The following MYH7B variants were observed in gnomAD, a reference collection of about 807,000 sequenced individuals.
The protein encoded by MYH7B is myosin-7B.
A neutral mutation model predicts 234.5 loss-of-function variants in MYH7B; 205 were observed. The observed-to-expected ratio is 0.87, with a 90% CI of 0.78 to 0.98. The LOEUF (loss-of-function observed/expected upper bound fraction) is 0.98. Ranked by LOEUF, MYH7B falls within the 50% of genes least tolerant of loss-of-function variation. The pLI, the probability that MYH7B is intolerant of heterozygous loss-of-function variation, is 0.00. For synonymous variants in MYH7B, 1,193 were observed against 1,105.0 expected, an observed-to-expected ratio of 1.08 and a Z score of -1.58; for missense variants, 2,652 against 2,633.4, an observed-to-expected ratio of 1.01 and a Z score of -0.15.
intron 2 of MYH7B, among the ~76,000 whole-genome samples, chr20:34,971,689 G>T (rs1171149871): frequency 6.6e-6 from 1 of 152,176 alleles, no homozygotes; most frequent in South Asian, 2.1e-4. Flanking sequence ...CCTGCCACCG[G>T]CCTCACCCCT....
At chr20:34,999,732 C>T in intron 37 of MYH7B, 37 bp downstream of exon 37, 7 of 1,609,130 alleles carry the variant, frequency 4.4e-6, no homozygotes, top group Non-Finnish European at 5.9e-6. Flanking sequence ...GGACACTGAC[C>T]TGCTGCTCCA....
At chr20:34,999,499 AGG>A (rs2082327543) in intron 36 of MYH7B, 70 bp from the exon 37 acceptor site, 1 of 1,246,020 alleles carries the variant, frequency 8.0e-7, no homozygotes. Context: ...CCCTGGAATC[AGG>A]GGTGAGTGGA....
intron 14 of MYH7B, among the ~76,000 whole-genome samples, 195 bp downstream of exon 14, chr20:34,986,393 G>A (rs774310533): frequency 4.6e-5 from 7 of 152,202 alleles, no homozygotes; most frequent in South Asian, 2.1e-4. Flanking sequence ...ACCTGCCAAC[G>A]TGTTATCGCT....
At chr20:34,976,483 G>A (rs543741807) in intron 3 of MYH7B, among the ~76,000 whole-genome samples, 1 of 152,330 alleles carries the variant, frequency 6.6e-6, no homozygotes, top group Non-Finnish European at 1.5e-5. Flanking sequence ...CCTGAATGGG[G>A]TGATGGACAG....
At chr20:34,988,138 T>C in exon 19 of MYH7B, 1 of 1,614,102 alleles carries the variant, frequency 6.2e-7, no homozygotes, top group South Asian at 1.1e-5. Context: ...AATGAGAAAT[T>C]GCAGCAGTTC....
chr20:34,999,185 G>A (rs1459943584), exon 36 of MYH7B: 1 of 1,613,554 alleles, frequency 6.2e-7, no homozygotes, highest in Non-Finnish European at 8.5e-7. Flanking sequence ...TGGAGCTGGA[G>A]CGGGCGACCT....
intron 1 of MYH7B, among the ~76,000 whole-genome samples, chr20:34,956,771 C>T (rs1195839025): frequency 6.6e-6 from 1 of 152,126 alleles, no homozygotes; most frequent in Admixed American, 6.5e-5. Flanking sequence ...GCAGCAAAGG[C>T]TGGCTGGGTG....
At chr20:34,977,678 G>A (rs765836275) in exon 4 of MYH7B, 20 of 1,551,958 alleles carry the variant, frequency 1.3e-5, no homozygotes, top group South Asian at 5.9e-5. Context: ...CCGTGGTGCC[G>A]AGGTAGGTGA....
chr20:34,987,160 C>T, exon 16 of MYH7B: 1 of 1,613,446 alleles, frequency 6.2e-7, no homozygotes, highest in Non-Finnish European at 8.5e-7. Context: ...ATGCCATGGA[C>T]ATCCTAGGCT....
chr20:34,988,648 TG>T (rs1188449059), intron 19 of MYH7B, among the ~76,000 whole-genome samples: 1 of 152,120 alleles, frequency 6.6e-6, no homozygotes, highest in Non-Finnish European at 1.5e-5. Context: ...TGTGTTTCCT[TG>T]TTTTTGTGAT....
chr20:34,983,298 C>CTTTT (rs57589264), intron 10 of MYH7B, among the ~76,000 whole-genome samples: 1 of 71,670 alleles, frequency 1.4e-5, no homozygotes, highest in Non-Finnish European at 3.5e-5. Flanking sequence ...CTTTTCTTTT[C>CTTTT]TTTTTTTTTT....
chr20:34,956,570 G>A lies in MYH7B; in HGVS notation c.-337+563G>A, dbSNP rs537282476. ...GGAATGTATCAGTCCAGCTTCTAGGGAATTAACCATAAATAAGACACAGCC... is the reference window on the plus strand; with the variant it reads ...GGAATGTATCAGTCCAGCTTCTAGGAAATTAACCATAAATAAGACACAGCC... On this transcript the variant is annotated intron_variant, in intron 1 of 44. Coordinates refer to ENST00000262873, the Ensembl canonical transcript of MYH7B. Among the ~76,000 whole-genome samples the A allele has an allele frequency of 2.0e-5, 3 of 152,276 alleles. No homozygotes were observed. In the East Asian group the frequency reaches 5.8e-4, roughly 29 times the overall value.
At chr20:34,982,693 T>G in intron 10 of MYH7B, 138 bp downstream of exon 10, 1 of 733,498 alleles carries the variant, frequency 1.4e-6, no homozygotes. Context: ...CCTCCCACCC[T>G]GGTGGGGGAC....
intron 2 of MYH7B, among the ~76,000 whole-genome samples, chr20:34,961,822 G>A (rs536433261): frequency 5.9e-5 from 9 of 152,348 alleles, no homozygotes; most frequent in African/African-American, 2.2e-4. Flanking sequence ...GCATGGATCA[G>A]AACTTTATTC....
rs1425051299 is a variant in MYH7B, at chr20:35,001,934, G to A, written c.5677-14G>A. On this transcript the variant is annotated splice_polypyrimidine_tract_variant and intron_variant, in intron 43 of 44. Coordinates refer to ENST00000262873, the Ensembl canonical transcript of MYH7B. The stretch of plus-strand genomic sequence containing the variant: ...GTCACCCAAGCGGAACCAAGGCCCT[G>A]TGTGTGCCCCCAGGAGCAGCAGGCC... 2.5e-6 allele frequency: 4 copies of A among 1,610,178 alleles called. No homozygotes were observed. The African/African-American group carries it at 5.3e-5, about 21-fold the overall frequency.
intron 5 of MYH7B, 32 bp from the exon 6 acceptor site, chr20:34,979,356 CCT>C (rs746221618): frequency 1.9e-6 from 3 of 1,553,374 alleles, no homozygotes; most frequent in Admixed American, 3.6e-5. Flanking sequence ...TGCCTCAGCC[CCT>C]CTCTGAGTCC....
chr20:34,986,019 T>C, intron 13 of MYH7B, 81 bp from the exon 14 acceptor site: 2 of 1,242,742 alleles, frequency 1.6e-6, no homozygotes, highest in Non-Finnish European at 2.3e-6. Flanking sequence ...CCTGCCCACC[T>C]CTCTCCCTCC....
At chr20:34,988,034 G>A (rs953563576) in intron 18 of MYH7B, 58 bp from the exon 19 acceptor site, 25 of 1,582,762 alleles carry the variant, frequency 1.6e-5, no homozygotes, top group Non-Finnish European at 2.1e-5. Context: ...GCCCCTCCCC[G>A]GGCCTCCCTT....
chr20:34,984,996 G>A (rs773787108), intron 12 of MYH7B, 50 bp downstream of exon 12: 8 of 1,609,092 alleles, frequency 5.0e-6, no homozygotes, highest in Admixed American at 3.3e-5. Flanking sequence ...GGCCACCAGC[G>A]GCAGGTCGGG....
Sources: gnomAD v4.1 joint callset for allele counts (sites outside exome capture counted in the v4.1 genomes callset) on GRCh38, gnomAD v4.1.1 for gene constraint, MANE v1.5 for transcripts, NCBI Gene and HGNC (gene_info 2026-07-23, HGNC 2026-07-21) for gene names.